Variants in GAN observed in about 807,000 individuals in gnomAD.
GAN encodes gigaxonin.
Under a neutral mutation model 71.3 loss-of-function variants are expected in GAN, and 48 were observed. The ratio of observed to expected loss-of-function variants is 0.67; its 90% confidence interval spans 0.53 to 0.86. GAN has a LOEUF of 0.86. GAN is among the 40% of genes least tolerant of loss of function. The pLI is 0.00. For synonymous variants in GAN, 386 were observed against 276.8 expected, an observed-to-expected ratio of 1.39 and a Z score of -3.92; for missense variants, 928 against 770.1, an observed-to-expected ratio of 1.21 and a Z score of -2.43.
chr16:81,326,939 G>A lies in GAN; in HGVS notation c.167+11659G>A, dbSNP rs146318694. 2.4e-3 allele frequency among the ~76,000 whole-genome samples: 368 copies of A among 152,332 alleles called. 2 individuals carry two copies. The highest frequency in any genetic ancestry group is 8.3e-3 in the African/African-American group (347 of 41,574). ...AAAGTAAAAGGTCAGAGTTCAGGAT[G>A]CTGAATATACTACATCCAAGTAAGG... On this transcript the variant is annotated intron_variant, in intron 1 of 10. Transcript: ENST00000648994.
chr16:81,373,041 A>C (rs1320388884), intron 9 of GAN, among the ~76,000 whole-genome samples: 1 of 152,206 alleles, frequency 6.6e-6, no homozygotes, highest in South Asian at 2.1e-4. Context: ...TTTGTTTCTG[A>C]GTTGTTCTGT....
At chr16:81,328,241 A>C (rs4888137) in intron 1 of GAN, among the ~76,000 whole-genome samples, 1 of 152,234 alleles carries the variant, frequency 6.6e-6, no homozygotes, top group Non-Finnish European at 1.5e-5. Context: ...TCTGAACAGT[A>C]TACTTAATGT....
rs1227812884 is a variant in GAN at position 81,390,582 on chromosome 16, T to A, written c.*12986T>A. ...CTCTTGTACCAAGGATCAGTGAAAG[T>A]GTTTTATCTTTTTTATGTAGTTTGT... is the stretch of plus-strand genomic sequence containing the variant. On this transcript the variant is annotated 3_prime_UTR_variant, in exon 11 of 11. Coordinates refer to ENST00000648994, the MANE Select transcript of GAN (RefSeq NM_022041.4). 1.3e-5 allele frequency: 2 copies of A among 152,198 alleles called. No individual in the cohort carries two copies. The highest frequency in any genetic ancestry group is 2.4e-5 in the African/African-American group (1 of 41,448). 9.4% of individuals were successfully genotyped at this position (152,198 alleles called of 1,614,324 possible). A position where few individuals can be genotyped will look rare whatever the true frequency, so the allele number is the denominator to read the frequency against.
intron 9 of GAN, among the ~76,000 whole-genome samples, chr16:81,367,323 A>C (rs190160887): frequency 1.2e-4 from 19 of 152,098 alleles, no homozygotes; most frequent in Admixed American, 1.1e-3. Flanking sequence ...AGGAGTTCAA[A>C]ACCAGCCCGG....
rs1483825803 is a variant in GAN at position 81,382,438 on chromosome 16, TA to T, written c.*4844del. 6.6e-6 allele frequency: 1 copy of T among 152,264 alleles called. No individual in the cohort carries two copies. Among genetic ancestry groups the T allele is most frequent in the Non-Finnish European group, 1.5e-5 (1 of 68,040 alleles). The allele number at this position is 152,264 out of a possible 1,614,324, so 9.4% of individuals were successfully genotyped here. The stretch of plus-strand genomic sequence containing the variant: ...ATAGGAAGGTTAAGAATTTATTTAC[TA>T]AGGTCGTAAGAACAGAAGAAAGTTT... On this transcript the variant is annotated 3_prime_UTR_variant, in exon 11 of 11. Coordinates refer to ENST00000648994, the MANE Select transcript of GAN (RefSeq NM_022041.4).
chr16:81,383,489 G>C lies in GAN; in HGVS notation c.*5893G>C, dbSNP rs981181319. 1 of 150,804 alleles carries C rather than the reference G, an allele frequency of 6.6e-6. No homozygotes were observed. The highest frequency in any genetic ancestry group is 2.1e-4 in the South Asian group (1 of 4,792). The allele number at this position is 150,804 out of a possible 1,614,324, so 9.3% of individuals were successfully genotyped here. A position where few individuals can be genotyped will look rare whatever the true frequency, so the allele number is the denominator to read the frequency against. On this transcript the variant is annotated 3_prime_UTR_variant, in exon 11 of 11. Transcript: ENST00000648994. ...GCATGGTCTCGATCTCCTAAACTTC[G>C]TGATCCGCCCGCCTCAGCCTCCCAA...
At chr16:81,347,246 C>T (rs889975759) in intron 1 of GAN, among the ~76,000 whole-genome samples, 1 of 152,106 alleles carries the variant, frequency 6.6e-6, no homozygotes, top group Non-Finnish European at 1.5e-5. Context: ...TGAGTAAAAC[C>T]ATTAGTTCAC....
intron 1 of GAN, among the ~76,000 whole-genome samples, chr16:81,340,048 GC>G (rs2150677180): frequency 6.6e-6 from 1 of 152,176 alleles, no homozygotes; most frequent in African/African-American, 2.4e-5. Context: ...CTTCCTCTTA[GC>G]CATTGTGTAT....
intron 9 of GAN, among the ~76,000 whole-genome samples, chr16:81,375,526 C>A (rs1567500403): frequency 6.6e-6 from 1 of 151,898 alleles, no homozygotes; most frequent in Non-Finnish European, 1.5e-5. Context: ...AAGGTTTCGC[C>A]ATGTTGCCCA....
chr16:81,334,850 C>T (rs1410382947), intron 1 of GAN, among the ~76,000 whole-genome samples: 1 of 152,206 alleles, frequency 6.6e-6, no homozygotes, highest in East Asian at 1.9e-4. Flanking sequence ...TCCACTGGTT[C>T]TCTAACCTGG....
rs1421866701 is a variant in GAN at position 81,315,074 on chromosome 16, G to A, written c.-40G>A. On this transcript the variant is annotated 5_prime_UTR_variant, in exon 1 of 11. Coordinates refer to ENST00000648994, the MANE Select transcript of GAN (RefSeq NM_022041.4). ...CGCTCGAGGGGTCCGGCCGGACGGT[G>A]TCGGGAGCCGGACCCGTCGGCAGAG... 4.2e-6 allele frequency: 6 copies of A among 1,442,112 alleles called. No individual in the cohort carries two copies. The highest frequency in any genetic ancestry group is 4.6e-6 in the Non-Finnish European group (5 of 1,089,708). 89.3% of individuals were successfully genotyped at this position (1,442,112 alleles called of 1,614,324 possible).
At chr16:81,364,819 C>T (rs1910794553) in intron 7 of GAN, among the ~76,000 whole-genome samples, 155 bp from the exon 8 acceptor site, 1 of 152,180 alleles carries the variant, frequency 6.6e-6, no homozygotes, top group Non-Finnish European at 1.5e-5. Flanking sequence ...ATTTTAAAGT[C>T]CGGTGTTGTA....
Position 81,390,437 on chromosome 16 carries a change from A to T in GAN, c.*12841A>T, listed in dbSNP as rs117744435. ...TACAAGTAATACTGATGCAAAAAGG[A>T]TTTGTTAACCTAAATTAAGTAGCAC... is the stretch of plus-strand genomic sequence containing the variant. On this transcript the variant is annotated 3_prime_UTR_variant, in exon 11 of 11. Coordinates refer to ENST00000648994, the MANE Select transcript of GAN (RefSeq NM_022041.4). 19 of 152,216 alleles carry T rather than the reference A, an allele frequency of 1.2e-4. No individual in the cohort carries two copies. The highest frequency in any genetic ancestry group is 5.2e-4 in the Admixed American group (8 of 15,282). 9.4% of individuals were successfully genotyped at this position (152,216 alleles called of 1,614,324 possible). A position where few individuals can be genotyped will look rare whatever the true frequency, so the allele number is the denominator to read the frequency against.
chr16:81,366,110 C>T (rs1443080220), intron 9 of GAN, among the ~76,000 whole-genome samples: 1 of 152,170 alleles, frequency 6.6e-6, no homozygotes, highest in Non-Finnish European at 1.5e-5. Flanking sequence ...TTATCAAAAC[C>T]TAGAGAAAGC....
intron 9 of GAN, among the ~76,000 whole-genome samples, chr16:81,366,149 A>G (rs954464076): frequency 1.3e-5 from 2 of 152,132 alleles, no homozygotes; most frequent in Non-Finnish European, 1.5e-5. Context: ...CTGATTTTTT[A>G]TCCCTTCATC....
rs143693337 is a variant in GAN at position 81,325,291 on chromosome 16, G to C, written c.167+10011G>C. The stretch of plus-strand genomic sequence containing the variant: ...GGAATTGCGAGGGGAAGAACTACTT[G>C]GGCGATCACATATGGAGGAAATGGT... On this transcript the variant is annotated intron_variant, in intron 1 of 10. Transcript: ENST00000648994. Among the ~76,000 whole-genome samples, 525 of 152,290 alleles carry C rather than the reference G, an allele frequency of 3.4e-3. 5 individuals carry two copies. The highest frequency in any genetic ancestry group is 0.012 in the African/African-American group (494 of 41,544).
rs1904510527 is a variant in GAN, at chr16:81,389,750, G to A, written c.*12154G>A. 6.6e-6 allele frequency: 1 copy of A among 152,210 alleles called. No individual in the cohort carries two copies. The highest frequency in any genetic ancestry group is 6.5e-5 in the Admixed American group (1 of 15,278). 9.4% of individuals were successfully genotyped at this position (152,210 alleles called of 1,614,324 possible). ...TCGATTTGACCCTCCCAAATTCAGGGCTGCTCTTTGCAGTGGTCCCTGGCC... is the reference window on the plus strand; with the variant it reads ...TCGATTTGACCCTCCCAAATTCAGGACTGCTCTTTGCAGTGGTCCCTGGCC... On this transcript the variant is annotated 3_prime_UTR_variant, in exon 11 of 11. Coordinates refer to ENST00000648994, the MANE Select transcript of GAN (RefSeq NM_022041.4).
intron 9 of GAN, among the ~76,000 whole-genome samples, chr16:81,367,789 C>T (rs772791582): frequency 1.3e-5 from 2 of 152,196 alleles, no homozygotes; most frequent in Non-Finnish European, 2.9e-5. Context: ...GGTGTGCCCA[C>T]AGACACACAA....
At chr16:81,354,823 T>C in intron 3 of GAN, 68 bp downstream of exon 3, 1 of 893,198 alleles carries the variant, frequency 1.1e-6, no homozygotes, top group Non-Finnish European at 1.8e-6. Context: ...TTTAGTTGTT[T>C]TATTTTTCTT....
Sources: allele counts gnomAD v4.1 joint callset (sites outside exome capture counted in the v4.1 genomes callset), GRCh38; gene constraint gnomAD v4.1.1; transcripts MANE v1.5; gene names NCBI Gene and HGNC (gene_info 2026-07-23, HGNC 2026-07-21).